ASB3: variants seen among roughly 807,000 people sequenced by gnomAD.
ASB3 encodes the protein ankyrin repeat and SOCS box protein 3.
Under a neutral mutation model 54.5 loss-of-function variants are expected in ASB3, and 41 were observed. That is an observed-to-expected ratio of 0.75 (90% CI 0.59 to 0.98). The LOEUF is 0.98. Ranked by LOEUF, ASB3 falls within the 50% of genes least tolerant of loss-of-function variation. The pLI, the probability that ASB3 is intolerant of heterozygous loss-of-function variation, is 0.00. For synonymous variants in ASB3, 266 were observed against 221.2 expected, an observed-to-expected ratio of 1.20 and a Z score of -1.80; for missense variants, 733 against 620.0, an observed-to-expected ratio of 1.18 and a Z score of -1.94.
At chr2:53,762,059 G>A (rs945667146) in intron 2 of ASB3, among the ~76,000 whole-genome samples, 1 of 152,176 alleles carries the variant, frequency 6.6e-6, no homozygotes, top group African/African-American at 2.4e-5. Context: ...CTAATATATT[G>A]AGGGTGGTCT....
chr2:53,678,939 C>T (rs545483246), intron 9 of ASB3, among the ~76,000 whole-genome samples: 1 of 152,238 alleles, frequency 6.6e-6, no homozygotes, highest in South Asian at 2.1e-4. Flanking sequence ...CTTTAAACTC[C>T]AACAGACACC....
chr2:53,683,015 G>A (rs548853429), intron 9 of ASB3, among the ~76,000 whole-genome samples: 1 of 152,064 alleles, frequency 6.6e-6, no homozygotes, highest in Admixed American at 6.6e-5. Flanking sequence ...CTACTGTGTT[G>A]AATCATAGTG....
At chr2:53,692,157 G>A (rs779097302) in intron 9 of ASB3, among the ~76,000 whole-genome samples, 2 of 151,984 alleles carry the variant, frequency 1.3e-5, no homozygotes, top group Admixed American at 6.6e-5. Context: ...ATGTCTACAG[G>A]GGGGGCAAAA....
At chr2:53,714,082 T>G (rs976420208) in intron 7 of ASB3, among the ~76,000 whole-genome samples, 2 of 152,190 alleles carry the variant, frequency 1.3e-5, no homozygotes, top group Non-Finnish European at 2.9e-5. Context: ...ATTCTTGAAT[T>G]GTTTTGAAGA....
At position 53,728,779 on chromosome 2, in the gene ASB3, T is replaced by G. The variant is rs1671143209; in HGVS notation, c.537A>C (p.Gly179=). The G allele has an allele frequency of 6.2e-7, 1 of 1,612,690 alleles. No individual in the cohort carries two copies. Among genetic ancestry groups the G allele is most frequent in the South Asian group, 1.1e-5 (1 of 90,844 alleles). Residue 179 remains glycine, a synonymous_variant, in exon 5 of 10, where the codon GGA becomes GGC. Coordinates refer to ENST00000263634, the MANE Select transcript of ASB3 (RefSeq NM_016115.5). The part of the protein sequence containing the change: ...GANKECQDDF[G]ITPLFVAAQY... Reference sequence around the variant, plus strand: ...GAGCAGCCACAAATAAAGGTGTGATTCCAAAGTCATCCTGGCATTCCTTGT... The same window carrying G: ...GAGCAGCCACAAATAAAGGTGTGATGCCAAAGTCATCCTGGCATTCCTTGT...
At chr2:53,762,171 CTGTGTG>C (rs3062426) in intron 2 of ASB3, among the ~76,000 whole-genome samples, 1,516 of 149,796 alleles carry the variant, frequency 0.01, 22 homozygotes, top group African/African-American at 0.035. Flanking sequence ...AGTGATCTAA[CTGTGTG>C]TGTGTGTGTG....
intron 1 of ASB3, among the ~76,000 whole-genome samples, chr2:53,784,214 C>A (rs1674810658): frequency 1.3e-5 from 2 of 152,156 alleles, no homozygotes; most frequent in Admixed American, 1.3e-4. Flanking sequence ...TAAGAATCAA[C>A]CTATAAATAA....
chr2:53,723,226 T>C (rs547714721), intron 5 of ASB3, among the ~76,000 whole-genome samples: 7 of 152,248 alleles, frequency 4.6e-5, no homozygotes, highest in South Asian at 2.1e-4. Flanking sequence ...TGCTCACGGA[T>C]TGCAAAAATC....
intron 5 of ASB3, among the ~76,000 whole-genome samples, chr2:53,725,320 G>T (rs1168911215): frequency 6.6e-6 from 1 of 152,198 alleles, no homozygotes; most frequent in Non-Finnish European, 1.5e-5. Flanking sequence ...GGGCTGAAAA[G>T]CGAACTGTTG....
intron 2 of ASB3, among the ~76,000 whole-genome samples, chr2:53,755,054 C>G (rs758411488): frequency 2.7e-4 from 41 of 152,190 alleles, no homozygotes; most frequent in Admixed American, 6.5e-4. Flanking sequence ...TTTAATCTCT[C>G]CTTACCCTCA....
chr2:53,730,850 T>C (rs867498862), intron 3 of ASB3, among the ~76,000 whole-genome samples: 6 of 152,152 alleles, frequency 3.9e-5, no homozygotes, highest in East Asian at 1.9e-4. Flanking sequence ...TCTCCCACTA[T>C]AGTAGGAGGC....
At chr2:53,735,413 G>T (rs1443223642) in intron 3 of ASB3, among the ~76,000 whole-genome samples, 2 of 149,886 alleles carry the variant, frequency 1.3e-5, no homozygotes, top group African/African-American at 4.9e-5. Flanking sequence ...AGACCTGGAG[G>T]CATAAATTTA....
chr2:53,700,660 A>G (rs1669438390), intron 7 of ASB3, 132 bp from the exon 8 acceptor site: 3 of 1,274,204 alleles, frequency 2.4e-6, no homozygotes, highest in Non-Finnish European at 3.1e-6. Context: ...GTTTCTACAC[A>G]TCTAGTGGAT....
intron 1 of ASB3, chr2:53,775,327 C>T (rs1674255490): frequency 6.6e-6 from 1 of 151,882 alleles, no homozygotes. Flanking sequence ...CTTTGTCTGT[C>T]ACTATCTCAA....
At chr2:53,733,490 C>T (rs547743729) in intron 3 of ASB3, among the ~76,000 whole-genome samples, 1 of 151,176 alleles carries the variant, frequency 6.6e-6, no homozygotes, top group Non-Finnish European at 1.5e-5. Flanking sequence ...CGCCCAAGCT[C>T]GACTGCAGTA....
chr2:53,752,884 C>T (rs1401891942), intron 2 of ASB3, among the ~76,000 whole-genome samples: 2 of 151,956 alleles, frequency 1.3e-5, no homozygotes, highest in African/African-American at 4.8e-5. Flanking sequence ...AGGTCAGAGA[C>T]CTAGACCGAT....
chr2:53,677,910 T>C (rs564143103), intron 9 of ASB3, among the ~76,000 whole-genome samples: 29 of 152,240 alleles, frequency 1.9e-4, no homozygotes, highest in African/African-American at 6.8e-4. Flanking sequence ...GGTGAGACTA[T>C]ATTTTAAATA....
intron 3 of ASB3, among the ~76,000 whole-genome samples, chr2:53,747,046 T>A (rs1166691427): frequency 6.6e-6 from 1 of 152,162 alleles, no homozygotes. Context: ...GTTAACTACA[T>A]GTTGAAATAT....
At chr2:53,749,520 C>T (rs762266445) in intron 3 of ASB3, among the ~76,000 whole-genome samples, 2 of 152,016 alleles carry the variant, frequency 1.3e-5, no homozygotes, top group South Asian at 2.1e-4. Flanking sequence ...GAGATTTAGT[C>T]GTAACCACTA....
Sources: allele counts gnomAD v4.1 joint callset (sites outside exome capture counted in the v4.1 genomes callset), GRCh38; gene constraint gnomAD v4.1.1; transcripts MANE v1.5; gene names NCBI Gene and HGNC (gene_info 2026-07-23, HGNC 2026-07-21).